The following FSIP2 variants were observed in gnomAD, a reference collection of about 807,000 sequenced individuals.
FSIP2 encodes fibrous sheath interacting protein 2, also known as fibrous sheath-interacting protein 2.
FSIP2 carries 367 observed loss-of-function variants against 510.5 expected under a neutral mutation model. That is an observed-to-expected ratio of 0.72 (90% CI 0.66 to 0.78). The LOEUF is 0.78. FSIP2 is among the 30% of genes least tolerant of loss of function. The pLI is 0.00. For synonymous variants in FSIP2, 2,601 were observed against 2,732.2 expected (o/e 0.95, Z 1.50); for missense variants, 7,594 against 7,901.7 (o/e 0.96, Z 1.48).
At chr2:185,749,546 G>C (rs1312782920) in intron 7 of FSIP2, among the ~76,000 whole-genome samples, 1 of 151,756 alleles carries the variant, frequency 6.6e-6, no homozygotes, top group African/African-American at 2.4e-5. Flanking sequence ...CTTTTTTCTA[G>C]ATGCCAATTA....
chr2:185,747,299 A>G lies in FSIP2; in HGVS notation c.760-14A>G, dbSNP rs1692052836. 4 of 1,415,204 alleles carry G rather than the reference A, an allele frequency of 2.8e-6. No homozygotes were observed. In the African/African-American group the frequency reaches 4.2e-5, roughly 15 times the overall value. 87.7% of individuals were successfully genotyped at this position (1,415,204 alleles called of 1,614,324 possible). ...AGGCACACACACCAAGTGCAGTAAC[A>G]TTGTGATTTCTAGGAATGGAAGACA... On this transcript the variant is annotated splice_polypyrimidine_tract_variant and intron_variant, in intron 6 of 22. Coordinates refer to ENST00000424728, the MANE Select transcript of FSIP2 (RefSeq NM_173651.4).
rs752262048 is a variant in FSIP2, at chr2:185,805,278, G to T, written c.15972G>T (p.Lys5324Asn). The change falls in exon 17 of 23, where the codon AAG becomes AAT. Residue 5324 changes from lysine to asparagine, a missense_variant. Lys to Asn is a moderately conservative substitution (Grantham distance 94). Transcript: ENST00000424728. ...CAAATTCTCTGATAAGGGAATTTAA[G>T]AAAAGTGATATTAAAGTTTTACCAA... ...KLANSLIREF[K>N]KSDIKVLPNA... The T allele has an allele frequency of 7.6e-5, 121 of 1,593,148 alleles. No individual in the cohort carries two copies. Among genetic ancestry groups the T allele is most frequent in the Non-Finnish European group, 1.0e-4 (117 of 1,172,778 alleles).
At chr2:185,737,717 A>G (rs1415364454), upstream of FSIP2, among the ~76,000 whole-genome samples, 1 of 152,042 alleles carries the variant, frequency 6.6e-6, no homozygotes, top group Non-Finnish European at 1.5e-5. Flanking sequence ...TTGTGTGTTG[A>G]GATTTGAGTA....
Position 185,746,769 on chromosome 2 carries a change from C to G in FSIP2, c.718C>G (p.His240Asp). Reference protein sequence around the residue: ...MDREERRQREHTRRKLTLRRK... With the variant: ...MDREERRQREDTRRKLTLRRK... The stretch of plus-strand genomic sequence containing the variant: ...TAGAGAAGAAAGACGACAGCGGGAA[C>G]ACACAAGAAGAAAACTTACTCTTCG... Residue 240 changes from histidine (H) to aspartate (D), a missense_variant, in exon 6 of 23, where the codon CAC (histidine) becomes GAC (aspartate). Coordinates refer to ENST00000424728, the MANE Select transcript of FSIP2 (RefSeq NM_173651.4). 2 of 1,529,570 alleles carry G rather than the reference C, an allele frequency of 1.3e-6. No homozygotes were observed. The highest frequency in any genetic ancestry group is 1.7e-6 in the Non-Finnish European group (2 of 1,144,432). 94.7% of individuals were successfully genotyped at this position (1,529,570 alleles called of 1,614,324 possible).
Position 185,806,009 on chromosome 2 carries a change from G to T in FSIP2, c.16703G>T (p.Arg5568Ile), listed in dbSNP as rs1352132539. 3.9e-6 allele frequency: 6 copies of T among 1,554,136 alleles called. No homozygotes were observed. Among genetic ancestry groups the T allele is most frequent in the Middle Eastern group, 1.7e-4 (1 of 5,814 alleles). ...AATAATAATGAAATTGAGAAGAAAA[G>T]AAATTTAATTCCAACAGATAAAAAA... ...TFNNNEIEKK[R>I]NLIPTDKKGK... The change falls in exon 17 of 23, where the codon AGA (arginine) becomes ATA (isoleucine). Residue 5568 changes from arginine (R) to isoleucine (I), a missense_variant. By Grantham distance (97) the Arg-to-Ile change is moderately conservative. Transcript: ENST00000424728.
At chr2:185,772,757 T>C (rs7571892) in intron 13 of FSIP2, among the ~76,000 whole-genome samples, 47,600 of 151,904 alleles carry the variant, frequency 0.31, 7,735 homozygotes, top group Middle Eastern at 0.4. Context: ...TGTGTTTTCA[T>C]AATGGTGAAT....
At chr2:185,773,615 C>T (rs1276474815) in intron 13 of FSIP2, among the ~76,000 whole-genome samples, 1 of 152,160 alleles carries the variant, frequency 6.6e-6, no homozygotes, top group Admixed American at 6.5e-5. Context: ...AGTGTCAAAT[C>T]ACACCAGTAA....
At chr2:185,778,531 C>G (rs1692775519) in intron 13 of FSIP2, among the ~76,000 whole-genome samples, 1 of 151,736 alleles carries the variant, frequency 6.6e-6, no homozygotes, top group African/African-American at 2.4e-5. Flanking sequence ...GTGCTCCTGG[C>G]TTAGTTATTC....
chr2:185,756,485 A>C (rs1282827590), intron 9 of FSIP2, among the ~76,000 whole-genome samples: 1 of 151,424 alleles, frequency 6.6e-6, no homozygotes. Context: ...ACTGTTTTGA[A>C]CCTGACATTA....
chr2:185,765,220 G>A (rs1347739703), intron 13 of FSIP2: 1 of 152,008 alleles, frequency 6.6e-6, no homozygotes, highest in Non-Finnish European at 1.5e-5. Context: ...ATAAGACAAG[G>A]AGAATCATAT....
chr2:185,828,107 C>A, intron 20 of FSIP2, 49 bp from the exon 21 acceptor site: 1 of 991,764 alleles, frequency 1.0e-6, no homozygotes, highest in South Asian at 1.4e-5. Flanking sequence ...AACAAATATA[C>A]ATGCCTCAGA....
rs1239554146 is a variant in FSIP2, at chr2:185,806,141, T to C, written c.16835T>C (p.Ile5612Thr). 2 of 1,576,092 alleles carry C rather than the reference T, an allele frequency of 1.3e-6. No homozygotes were observed. Among genetic ancestry groups the C allele is most frequent in the Non-Finnish European group, 1.7e-6 (2 of 1,168,000 alleles). ...TCTGAAATAGGCTATAAAAAGAAGA[T>C]TGACAATGCAAGGGAAAGCTCATTT... ...SDSEIGYKKK[I>T]DNARESSFKK... Residue 5612 changes from isoleucine to threonine, a missense_variant, in exon 17 of 23, where the codon ATT becomes ACT. Physicochemically the swap from Ile to Thr is moderately conservative, Grantham distance 89. Transcript: ENST00000424728.
At chr2:185,821,925 CA>C (rs35066355) in intron 19 of FSIP2, among the ~76,000 whole-genome samples, 57,390 of 127,288 alleles carry the variant, frequency 0.45, 11,835 homozygotes, top group Non-Finnish European at 0.48. Context: ...GACCCTATCT[CA>C]AAAAAAAAAA....
rs1433768086 is a variant in FSIP2, at chr2:185,803,329, A to G, written c.14023A>G (p.Ser4675Gly). Residue 4675 changes from serine (S) to glycine (G), a missense_variant, in exon 17 of 23, where the codon AGC becomes GGC. Physicochemically the swap from Ser to Gly is moderately conservative, Grantham distance 56 (BLOSUM62 0). Transcript: ENST00000424728. The stretch of plus-strand genomic sequence containing the variant: ...AGGGGAATTCTCAAAAGCCCAAGTT[A>G]GCATTATAGATAATACTGAGGAAAG... ...ITGEFSKAQV[S>G]IIDNTEERLC... 1 of 1,531,050 alleles carries G rather than the reference A, an allele frequency of 6.5e-7. No homozygotes were observed. The highest frequency in any genetic ancestry group is 8.7e-7 in the Non-Finnish European group (1 of 1,144,450). 94.8% of individuals were successfully genotyped at this position (1,531,050 alleles called of 1,614,324 possible).
Position 185,820,345 on chromosome 2 carries a change from C to T in FSIP2, c.20427-4089C>T, listed in dbSNP as rs527655278. Among the ~76,000 whole-genome samples the T allele has an allele frequency of 1.7e-3, 251 of 151,948 alleles. 1 individual carries two copies. The highest frequency in any genetic ancestry group is 5.9e-3 in the African/African-American group (243 of 41,492). On this transcript the variant is annotated intron_variant, in intron 19 of 22. Transcript: ENST00000424728. ...GTTTCCTGAGGTCTCCCTAGGTATA[C>T]AGAACTGTGACTCAATTAAACCTCT...
Position 185,743,160 on chromosome 2 carries a change from C to A in FSIP2, c.253C>A (p.Leu85Met), listed in dbSNP as rs1691956717. ...TTTTCGACCTTCTTATGGTTTTAAC[C>A]TGACTGATCCCTATTGTCGACTTTT... ...KLFRPSYGFN[L>M]TDPYCRLLEN... Residue 85 changes from leucine (L) to methionine (M), a missense_variant, in exon 3 of 23, where the codon CTG becomes ATG. Transcript: ENST00000424728. 4 of 1,512,864 alleles carry A rather than the reference C, an allele frequency of 2.6e-6. No individual in the cohort carries two copies. The highest frequency in any genetic ancestry group is 3.5e-6 in the Non-Finnish European group (4 of 1,138,962). The allele number at this position is 1,512,864 out of a possible 1,614,324, so 93.7% of individuals were successfully genotyped here. A position where few individuals can be genotyped will look rare whatever the true frequency, so the allele number is the denominator to read the frequency against.
Position 185,806,402 on chromosome 2 carries a change from ATTATT to A in FSIP2, c.17097_17101del (p.Tyr5700GlufsTer5). 6.2e-7 allele frequency: 1 copy of A among 1,611,998 alleles called. No homozygotes were observed. The highest frequency in any genetic ancestry group is 8.5e-7 in the Non-Finnish European group (1 of 1,178,658). On this transcript the variant is annotated frameshift_variant, in exon 17 of 23. Coordinates refer to ENST00000424728, the MANE Select transcript of FSIP2 (RefSeq NM_173651.4). LOFTEE classifies it high-confidence loss of function. ...CTATCTTCTTCTCCAGAACCAGCAT[ATTATT>A]CGAAACTCAGTTATGACCAAAGCCC...
Position 185,789,111 on chromosome 2 carries a change from A to G in FSIP2, c.1975A>G (p.Lys659Glu). 6.5e-7 allele frequency: 1 copy of G among 1,535,178 alleles called. No homozygotes were observed. The highest frequency in any genetic ancestry group is 8.7e-7 in the Non-Finnish European group (1 of 1,146,080). Residue 659 changes from lysine to glutamate, a missense_variant, in exon 16 of 23, where the codon AAA becomes GAA. Coordinates refer to ENST00000424728, the MANE Select transcript of FSIP2 (RefSeq NM_173651.4). ...LLASFETGTK[K>E]SKDATTETDS... ...AGCATCATTTGAAACAGGCACAAAAAAATCTAAGGATGCTACCACTGAAAC... is the reference window on the plus strand; with the variant it reads ...AGCATCATTTGAAACAGGCACAAAAGAATCTAAGGATGCTACCACTGAAAC...
intron 8 of FSIP2, among the ~76,000 whole-genome samples, chr2:185,755,409 C>CT (rs1458442756): frequency 1.3e-5 from 2 of 151,556 alleles, no homozygotes; most frequent in Non-Finnish European, 3.0e-5. Flanking sequence ...TCTTCATTAA[C>CT]TTTCTCATAT....
Sources: gnomAD v4.1 joint callset for allele counts (sites outside exome capture counted in the v4.1 genomes callset) on GRCh38, gnomAD v4.1.1 for gene constraint, MANE v1.5 for transcripts, NCBI Gene and HGNC (gene_info 2026-07-23, HGNC 2026-07-21) for gene names.